Variants in SLAIN1 observed in about 807,000 individuals in gnomAD.
The protein encoded by SLAIN1 is SLAIN family member 1.
A neutral mutation model predicts 55.4 loss-of-function variants in SLAIN1; 17 were observed. The observed-to-expected ratio is 0.31, with a 90% CI of 0.21 to 0.46. SLAIN1 has a LOEUF of 0.46. SLAIN1 is among the 20% of genes least tolerant of loss of function. The pLI is 1.00. For missense variants in SLAIN1, 682 were observed against 785.1 expected (o/e 0.87, Z 1.57); for synonymous variants, 348 against 337.4 (o/e 1.03, Z -0.35).
At chr13:77,717,178 C>T (rs2091216258) in intron 1 of SLAIN1, among the ~76,000 whole-genome samples, 1 of 151,944 alleles carries the variant, frequency 6.6e-6, no homozygotes, top group Admixed American at 6.6e-5. Flanking sequence ...GATATAAACC[C>T]CACTTATTAA....
At chr13:77,728,620 G>C (rs1377777464) in intron 2 of SLAIN1, among the ~76,000 whole-genome samples, 1 of 152,156 alleles carries the variant, frequency 6.6e-6, no homozygotes, top group Non-Finnish European at 1.5e-5. Flanking sequence ...TATGGTACCA[G>C]TTCCCAATCT....
chr13:77,698,356 T>C lies in SLAIN1; in HGVS notation c.443T>C (p.Val148Ala), dbSNP rs2090995240. 1 of 1,444,400 alleles carries C rather than the reference T, an allele frequency of 6.9e-7. No individual in the cohort carries two copies. The highest frequency in any genetic ancestry group is 9.1e-7 in the Non-Finnish European group (1 of 1,100,318). 89.5% of individuals were successfully genotyped at this position (1,444,400 alleles called of 1,614,324 possible). Residue 148 changes from valine to alanine, a missense_variant, in exon 1 of 7, where the codon GTC becomes GCC. By Grantham distance (64) the Val-to-Ala change is moderately conservative. This residue lies in a region of SLAIN1 where 401 missense variants were observed against 417.3 expected (regional missense o/e 0.96). Coordinates refer to ENST00000418532, the MANE Select transcript of SLAIN1 (RefSeq NM_001242868.2). The surrounding 1 kb of genome is among the most constrained non-coding windows in gnomAD (Gnocchi z 4.1). ...SLAQPPEAPFVYFKPAAGFFG... is the reference protein window; with the variant it reads ...SLAQPPEAPFAYFKPAAGFFG... Reference sequence around the variant, plus strand: ...GCGCAGCCACCCGAGGCGCCCTTCGTCTACTTCAAGCCGGCAGCAGGCTTC... The same window carrying C: ...GCGCAGCCACCCGAGGCGCCCTTCGCCTACTTCAAGCCGGCAGCAGGCTTC...
intron 3 of SLAIN1, 23 bp from the exon 4 acceptor site, chr13:77,746,491 G>T: frequency 6.4e-7 from 1 of 1,556,344 alleles, no homozygotes; most frequent in Non-Finnish European, 8.8e-7. Context: ...AAATACATTA[G>T]AGTACTATTT....
chr13:77,722,510 C>G (rs1422922538), intron 2 of SLAIN1, among the ~76,000 whole-genome samples: 1 of 152,004 alleles, frequency 6.6e-6, no homozygotes, highest in African/African-American at 2.4e-5. Flanking sequence ...TTACTGTTTA[C>G]CTCTCTTTTT....
chr13:77,749,105 T>C (rs930681756), intron 4 of SLAIN1, among the ~76,000 whole-genome samples: 3 of 152,168 alleles, frequency 2.0e-5, no homozygotes, highest in African/African-American at 7.2e-5. Flanking sequence ...ATGGTAACTT[T>C]GAAGCTAATC....
chr13:77,702,654 G>C (rs1331107961), intron 1 of SLAIN1, among the ~76,000 whole-genome samples: 1 of 151,992 alleles, frequency 6.6e-6, no homozygotes, highest in Middle Eastern at 3.2e-3. Flanking sequence ...TCTAGTTACT[G>C]ATAGAGTTCA....
chr13:77,738,398 C>T (rs1176644686), intron 2 of SLAIN1, among the ~76,000 whole-genome samples: 1 of 151,938 alleles, frequency 6.6e-6, no homozygotes, highest in African/African-American at 2.4e-5. Flanking sequence ...GGAAGACAGC[C>T]ATGAGCATGG....
chr13:77,732,235 C>T (rs1290832201), intron 2 of SLAIN1, among the ~76,000 whole-genome samples: 2 of 152,086 alleles, frequency 1.3e-5, no homozygotes, highest in Non-Finnish European at 2.9e-5. Context: ...ACTGACAGTG[C>T]TTTCTAAAAG....
chr13:77,718,124 A>G (rs2091226235), intron 1 of SLAIN1, among the ~76,000 whole-genome samples: 1 of 152,152 alleles, frequency 6.6e-6, no homozygotes, highest in South Asian at 2.1e-4. Context: ...TTGGACTTAC[A>G]ATTAAATCCA....
At chr13:77,702,279 T>G (rs547639149) in intron 1 of SLAIN1, among the ~76,000 whole-genome samples, 18 of 152,222 alleles carry the variant, frequency 1.2e-4, no homozygotes, top group Non-Finnish European at 1.6e-4. Flanking sequence ...TCCTCAGTTA[T>G]CTTACTAATT....
intron 3 of SLAIN1, among the ~76,000 whole-genome samples, chr13:77,744,843 G>T (rs1054452005): frequency 2.0e-5 from 3 of 152,072 alleles, no homozygotes; most frequent in Admixed American, 2.0e-4. Context: ...AAGGCCTTCA[G>T]TGGGTAAATG....
rs188928798 is a variant in SLAIN1, at chr13:77,711,375, A to C, written c.627-8157A>C. 4.6e-5 allele frequency among the ~76,000 whole-genome samples: 7 copies of C among 152,300 alleles called. No homozygotes were observed. The East Asian group carries it at 1.4e-3, about 29-fold the overall frequency. On this transcript the variant is annotated intron_variant, in intron 1 of 6. Transcript: ENST00000418532. The stretch of plus-strand genomic sequence containing the variant: ...AGAGAAGAATCAAATACACACAATA[A>C]AAAATGATAAAGGGGATATCACCAC...
chr13:77,751,300 CTTTAATA>C (rs1326505702), intron 4 of SLAIN1, among the ~76,000 whole-genome samples: 4 of 151,896 alleles, frequency 2.6e-5, no homozygotes, highest in Admixed American at 2.6e-4. Context: ...AAATGTTAAT[CTTTAATA>C]TTTATTTTAT....
In SLAIN1 at chr13:77,760,854, A is replaced by G; in HGVS notation, c.1441A>G (p.Arg481Gly). 1 of 1,613,940 alleles carries G rather than the reference A, an allele frequency of 6.2e-7. No homozygotes were observed. The highest frequency in any genetic ancestry group is 8.5e-7 in the Non-Finnish European group (1 of 1,179,984). The change falls in exon 6 of 7, where the codon AGG (arginine) becomes GGG (glycine). Residue 481 changes from arginine to glycine, a missense_variant. Physicochemically the swap from Arg to Gly is moderately radical, Grantham distance 125. Coordinates refer to ENST00000418532, the MANE Select transcript of SLAIN1 (RefSeq NM_001242868.2). ...CIPSPGQLQH[R>G]VHSVGHFPVS... ...TCCATCACCGGGACAGCTTCAACAC[A>G]GGGTCCACAGCGTGGGGCATTTCCC... is the stretch of plus-strand genomic sequence containing the variant.
chr13:77,760,069 C>G (rs1874896452), intron 5 of SLAIN1, among the ~76,000 whole-genome samples: 1 of 152,046 alleles, frequency 6.6e-6, no homozygotes, highest in African/African-American at 2.4e-5. Context: ...AACCATGTTG[C>G]CAGTACTAGG....
At position 77,698,610 on chromosome 13, in the gene SLAIN1, G is replaced by T; in HGVS notation, c.626+71G>T. The T allele has an allele frequency of 1.1e-5, 15 of 1,329,614 alleles. No individual in the cohort carries two copies. Among genetic ancestry groups the T allele is most frequent in the Non-Finnish European group, 1.4e-5 (15 of 1,044,758 alleles). The allele number at this position is 1,329,614 out of a possible 1,614,324, so 82.4% of individuals were successfully genotyped here. Reference sequence around the variant, plus strand: ...CTTCGGGCACCGGGGAGCGGGGGCGGGGGGCGGACGGGGGTCCCCTCGCGG... The same window carrying T: ...CTTCGGGCACCGGGGAGCGGGGGCGTGGGGCGGACGGGGGTCCCCTCGCGG... On this transcript the variant is annotated intron_variant, in intron 1 of 6. Coordinates refer to ENST00000418532, the MANE Select transcript of SLAIN1 (RefSeq NM_001242868.2). This position sits in a 1 kb window ranked among gnomAD's most constrained non-coding sequence, Gnocchi z 4.1.
chr13:77,747,978 A>G (rs1323624433), intron 4 of SLAIN1, among the ~76,000 whole-genome samples: 1 of 152,136 alleles, frequency 6.6e-6, no homozygotes, highest in Non-Finnish European at 1.5e-5. Context: ...TGGAGAAACA[A>G]ACCAATAAAA....
intron 2 of SLAIN1, among the ~76,000 whole-genome samples, chr13:77,740,075 T>C (rs894936441): frequency 6.6e-6 from 1 of 152,022 alleles, no homozygotes; most frequent in Non-Finnish European, 1.5e-5. Flanking sequence ...ATCCTTAGGG[T>C]AGCTTCAGAG....
intron 2 of SLAIN1, among the ~76,000 whole-genome samples, chr13:77,742,534 G>GT (rs1241804515): frequency 7.3e-5 from 11 of 151,666 alleles, no homozygotes; most frequent in African/African-American, 2.2e-4. Context: ...TACATAAAAT[G>GT]TTTTTTATCA....
Sources: allele counts gnomAD v4.1 joint callset (sites outside exome capture counted in the v4.1 genomes callset), GRCh38; gene constraint gnomAD v4.1.1; regional missense constraint gnomAD v4.1.1; non-coding constraint Gnocchi (gnomAD v3.1); transcripts MANE v1.5; gene names NCBI Gene and HGNC (gene_info 2026-07-23, HGNC 2026-07-21).